Variants in NTRK1 observed in about 807,000 individuals in gnomAD.
The protein encoded by NTRK1 is neurotrophic receptor tyrosine kinase 1, also known as high affinity nerve growth factor receptor.
A neutral mutation model predicts 86.8 loss-of-function variants in NTRK1; 62 were observed. The ratio of observed to expected loss-of-function variants is 0.71; its 90% CI spans 0.58 to 0.88. The LOEUF (loss-of-function observed/expected upper bound fraction) is 0.88, where lower values mean the gene tolerates loss of function less well. NTRK1 is among the 40% of genes least tolerant of loss of function. The probability of loss-of-function intolerance (pLI) is 0.00; values close to 1 mark genes in which losing one functional copy is unlikely to be tolerated. For synonymous variants in NTRK1, 469 were observed against 456.6 expected (o/e 1.03, Z -0.35); for missense variants, 967 against 1,078.4 (o/e 0.90, Z 1.45).
intron 1 of NTRK1, chr1:156,841,980 G>C: frequency 6.4e-7 from 1 of 1,554,880 alleles, no homozygotes. Context: ...AAGAGACTAA[G>C]ATACAGGGTG....
chr1:156,849,477 GACCTTGCTCTGCGGGGAGGT>G, intron 2 of NTRK1: 1 of 950,754 alleles, frequency 1.1e-6, no homozygotes, highest in Non-Finnish European at 1.6e-6. Context: ...GAGGCCAGGG[GACCTTGCTCTGCGGGGAGGT>G]GGGGGCAGGG....
rs762948862 is a variant in NTRK1 at position 156,875,649 on chromosome 1, A to G, written c.1484A>G (p.Gln495Arg). The change falls in exon 12 of 17, where the codon CAA (glutamine) becomes CGA (arginine). Residue 495 changes from glutamine to arginine, a missense_variant. Gln to Arg is a conservative substitution (Grantham distance 43, BLOSUM62 1). Coordinates refer to ENST00000524377, the MANE Select transcript of NTRK1 (RefSeq NM_002529.4). ...CAAGGCCACATCATCGAGAACCCAC[A>G]ATACTTCAGTGATGCCTGTGAGGGG... ...GLQGHIIENP[Q>R]YFSDACVHHI... 1.9e-6 allele frequency: 3 copies of G among 1,612,964 alleles called. No individual in the cohort carries two copies. In the East Asian group the frequency reaches 6.7e-5, roughly 36 times the overall value.
At chr1:156,862,102 G>A (rs188009296) in intron 1 of NTRK1, among the ~76,000 whole-genome samples, 50 of 152,296 alleles carry the variant, frequency 3.3e-4, no homozygotes, top group African/African-American at 1.1e-3. Context: ...CTGGGGTTTC[G>A]AGGGTGGACA....
At chr1:156,825,934 A>G (rs1179406852) in intron 1 of NTRK1, among the ~76,000 whole-genome samples, 1 of 152,176 alleles carries the variant, frequency 6.6e-6, no homozygotes, top group East Asian at 1.9e-4. Context: ...GGAGTCTGAG[A>G]CTTGGGGAGG....
chr1:156,824,571 C>T (rs1178579406), intron 1 of NTRK1, among the ~76,000 whole-genome samples: 1 of 152,202 alleles, frequency 6.6e-6, no homozygotes, highest in African/African-American at 2.4e-5. Flanking sequence ...ACCCATCATT[C>T]AGCTTAGGAT....
At chr1:156,851,602 G>T in intron 2 of NTRK1, 2 of 1,613,578 alleles carry the variant, frequency 1.2e-6, no homozygotes, top group South Asian at 1.1e-5. Context: ...TGGGAGGAAG[G>T]GTATGACCAG....
At chr1:156,853,185 C>T (rs936468758) in intron 2 of NTRK1, among the ~76,000 whole-genome samples, 10 of 152,136 alleles carry the variant, frequency 6.6e-5, no homozygotes, top group Non-Finnish European at 1.3e-4. Context: ...TTCTCCTGCT[C>T]ACCCCCAACC....
At chr1:156,820,374 G>A (rs1157903612) in intron 1 of NTRK1, among the ~76,000 whole-genome samples, 1 of 152,194 alleles carries the variant, frequency 6.6e-6, no homozygotes, top group African/African-American at 2.4e-5. Flanking sequence ...AGTCTCCCAA[G>A]TAGTTGGGAC....
chr1:156,860,770 T>G (rs1571680808), upstream of NTRK1: 11 of 1,233,524 alleles, frequency 8.9e-6, no homozygotes, highest in Admixed American at 4.4e-5. Context: ...AGGAAGCGGG[T>G]GGAGAAGAGG....
intron 2 of NTRK1, 132 bp downstream of exon 2, chr1:156,864,560 C>T: frequency 1.7e-6 from 2 of 1,155,410 alleles, no homozygotes; most frequent in South Asian, 2.6e-5. Context: ...TGGGAGAAGT[C>T]AGGAAGCTCA....
intron 2 of NTRK1, chr1:156,849,196 G>A (rs770674338): frequency 1.2e-6 from 2 of 1,604,998 alleles, no homozygotes; most frequent in Non-Finnish European, 1.7e-6. Context: ...CCGGGTGTGC[G>A]TGTCTAGTGT....
rs746293720 is a variant in NTRK1, at chr1:156,861,051, C to G, written c.117C>G (p.Ala39=). Reference sequence around the variant, plus strand: ...CGGGCGCCGCACCCTGCCCCGATGCCTGCTGCCCCCACGGCTCCTCGGGAC... The same window carrying G: ...CGGGCGCCGCACCCTGCCCCGATGCGTGCTGCCCCCACGGCTCCTCGGGAC... ...ASAGAAPCPD[A]CCPHGSSGLR... is the part of the protein sequence containing the mutation. The change falls in exon 1 of 17, where the codon GCC becomes GCG. Residue 39 remains alanine, a synonymous_variant. Transcript: ENST00000524377. 2.2e-5 allele frequency: 34 copies of G among 1,560,968 alleles called. 1 individual carries two copies. The South Asian group carries it at 3.0e-4, about 14-fold the overall frequency.
At chr1:156,834,247 G>T (rs1490492003) in intron 1 of NTRK1, among the ~76,000 whole-genome samples, 3 of 152,160 alleles carry the variant, frequency 2.0e-5, no homozygotes, top group Admixed American at 6.5e-5. Flanking sequence ...AGATGTGAAG[G>T]CCAGTCTCAG....
intron 1 of NTRK1, chr1:156,837,944 G>A (rs1243181934): frequency 6.6e-6 from 1 of 152,166 alleles, no homozygotes; most frequent in African/African-American, 2.4e-5. Context: ...ATGAGCAGGT[G>A]TCGGAAGCTG....
chr1:156,881,778 G>C lies in NTRK1; in HGVS notation c.*136G>C. On this transcript the variant is annotated 3_prime_UTR_variant, in exon 17 of 17. Coordinates refer to ENST00000524377, the MANE Select transcript of NTRK1 (RefSeq NM_002529.4). ...TCAGCATGTGGGAAGGGACAGGTGGGGGCTGGGAGTAGAGGATGTTCCTGC... is the reference window on the plus strand; with the variant it reads ...TCAGCATGTGGGAAGGGACAGGTGGCGGCTGGGAGTAGAGGATGTTCCTGC... 1.2e-6 allele frequency: 1 copy of C among 849,492 alleles called. No homozygotes were observed. The highest frequency in any genetic ancestry group is 1.8e-6 in the Non-Finnish European group (1 of 571,056). The allele number at this position is 849,492 out of a possible 1,614,324, so 52.6% of individuals were successfully genotyped here. A position where few individuals can be genotyped will look rare whatever the true frequency, so the allele number is the denominator to read the frequency against.
chr1:156,845,007 C>T, intron 2 of NTRK1: 1 of 1,546,094 alleles, frequency 6.5e-7, no homozygotes, highest in African/African-American at 1.4e-5. Flanking sequence ...AGAAGTCAAA[C>T]CCCAAACCTT....
intron 10 of NTRK1, 96 bp downstream of exon 10, chr1:156,874,722 C>A (rs1448320705): frequency 7.2e-7 from 1 of 1,386,812 alleles, no homozygotes; most frequent in Non-Finnish European, 1.0e-6. Context: ...AGGGAGATCA[C>A]TACCATCTGG....
chr1:156,873,027 G>GTGTGTA (rs1473440181), intron 7 of NTRK1, among the ~76,000 whole-genome samples: 5 of 147,764 alleles, frequency 3.4e-5, no homozygotes, highest in Non-Finnish European at 6.0e-5. Flanking sequence ...GAGTGTGTGT[G>GTGTGTA]TGTGTGTGTG....
chr1:156,856,281 T>A (rs1283096984), upstream of NTRK1, among the ~76,000 whole-genome samples: 1 of 152,198 alleles, frequency 6.6e-6, no homozygotes, highest in Non-Finnish European at 1.5e-5. Context: ...AAGTTGGCAC[T>A]CAATAAATAT....
Sources: allele counts gnomAD v4.1 joint callset (sites outside exome capture counted in the v4.1 genomes callset), GRCh38; gene constraint gnomAD v4.1.1; transcripts MANE v1.5; gene names NCBI Gene and HGNC (gene_info 2026-07-23, HGNC 2026-07-21).